Variants in STPG2 observed in about 807,000 individuals in gnomAD.
STPG2 encodes the protein sperm tail PG-rich repeat containing 2.
STPG2 carries 56 observed loss-of-function variants against 54.2 expected under a neutral mutation model. The ratio of observed to expected loss-of-function variants is 1.03; its 90% CI spans 0.83 to 1.29. The LOEUF is 1.29. Among genes scored for constraint, STPG2 ranks in the 50% most tolerant of loss-of-function variants. The pLI, the probability that STPG2 is intolerant of heterozygous loss-of-function variation, is 0.00. For missense variants in STPG2, 596 were observed against 544.9 expected, an observed-to-expected ratio of 1.09 and a Z score of -0.93; for synonymous variants, 200 against 181.8, an observed-to-expected ratio of 1.10 and a Z score of -0.81.
At chr4:97,794,358 G>C (rs998946678) in intron 9 of STPG2, among the ~76,000 whole-genome samples, 5 of 152,066 alleles carry the variant, frequency 3.3e-5, no homozygotes, top group African/African-American at 4.8e-5. Context: ...GATGTCTTAA[G>C]TTATAGAGAA....
intron 7 of STPG2, 116 bp from the exon 8 acceptor site, chr4:97,944,123 C>A: frequency 3.0e-6 from 2 of 658,390 alleles, no homozygotes; most frequent in East Asian, 2.9e-5. Context: ...TAAATAAAGA[C>A]ACATATTCAT....
chr4:98,077,513 G>T (rs1195821839), intron 5 of STPG2, among the ~76,000 whole-genome samples: 1 of 152,164 alleles, frequency 6.6e-6, no homozygotes, highest in East Asian at 1.9e-4. Context: ...TGGGATTACA[G>T]GCATGAGCCA....
At chr4:97,615,207 C>T (rs141501191) in intron 10 of STPG2, among the ~76,000 whole-genome samples, 294 of 152,136 alleles carry the variant, frequency 1.9e-3, no homozygotes, top group Middle Eastern at 0.014. Flanking sequence ...AAACTGATGA[C>T]TTATCTTTTT....
intron 5 of STPG2, among the ~76,000 whole-genome samples, chr4:98,091,485 C>T (rs974848464): frequency 2.6e-5 from 4 of 152,058 alleles, no homozygotes; most frequent in Non-Finnish European, 5.9e-5. Context: ...AACTCTAACA[C>T]ACTTTAGAAT....
At chr4:97,859,864 G>T (rs548785333) in intron 8 of STPG2, among the ~76,000 whole-genome samples, 1 of 152,320 alleles carries the variant, frequency 6.6e-6, no homozygotes, top group Admixed American at 6.5e-5. Flanking sequence ...TCAGGTCTCA[G>T]ATTTAAGTAT....
At chr4:97,451,653 T>C (rs1468132239) in intron 4 of STPG2, among the ~76,000 whole-genome samples, 1 of 152,086 alleles carries the variant, frequency 6.6e-6, no homozygotes, top group South Asian at 2.1e-4. Context: ...TTTGGAGGTA[T>C]CAGAATTAGT....
At chr4:97,922,334 G>C (rs534319991) in intron 8 of STPG2, among the ~76,000 whole-genome samples, 1 of 151,908 alleles carries the variant, frequency 6.6e-6, no homozygotes, top group Non-Finnish European at 1.5e-5. Context: ...AAAAAATAAT[G>C]TAACAGTTAA....
chr4:97,860,029 T>A (rs975844081), intron 8 of STPG2, among the ~76,000 whole-genome samples: 2 of 152,190 alleles, frequency 1.3e-5, no homozygotes, highest in Non-Finnish European at 2.9e-5. Flanking sequence ...CAAAGATCAG[T>A]TGCCTGAAAG....
At chr4:98,052,713 T>C (rs1187639738) in intron 5 of STPG2, among the ~76,000 whole-genome samples, 2 of 152,192 alleles carry the variant, frequency 1.3e-5, no homozygotes, top group African/African-American at 2.4e-5. Context: ...CTAGAAAGCA[T>C]TAAATAAAAT....
At chr4:97,871,702 C>T (rs1031032737) in intron 8 of STPG2, among the ~76,000 whole-genome samples, 4 of 150,956 alleles carry the variant, frequency 2.6e-5, no homozygotes, top group Non-Finnish European at 4.5e-5. Context: ...ATTCTAACTA[C>T]GAAGTTGTTA....
At chr4:97,921,669 T>C (rs906390836) in intron 8 of STPG2, among the ~76,000 whole-genome samples, 7 of 152,090 alleles carry the variant, frequency 4.6e-5, no homozygotes, top group Non-Finnish European at 1.0e-4. Context: ...ATATGCATTA[T>C]GCACTTCCCA....
chr4:98,116,310 AG>A (rs1185225772), intron 3 of STPG2, among the ~76,000 whole-genome samples: 2 of 151,922 alleles, frequency 1.3e-5, no homozygotes, highest in Non-Finnish European at 1.5e-5. Flanking sequence ...ATGAGTGATT[AG>A]GGAATTATTA....
intron 9 of STPG2, among the ~76,000 whole-genome samples, chr4:97,746,900 C>A (rs1271476057): frequency 2.0e-5 from 3 of 150,904 alleles, no homozygotes; most frequent in African/African-American, 7.3e-5. Flanking sequence ...GTATGTAGAA[C>A]AGTGCCTTTC....
intron 5 of STPG2, among the ~76,000 whole-genome samples, chr4:98,019,249 G>C (rs9992639): frequency 1.3e-4 from 19 of 151,124 alleles, no homozygotes; most frequent in Non-Finnish European, 2.2e-4. Flanking sequence ...CTAGCCAGGT[G>C]CCAGCACCAT....
chr4:97,738,694 G>A (rs1725110973), intron 9 of STPG2, among the ~76,000 whole-genome samples: 1 of 152,080 alleles, frequency 6.6e-6, no homozygotes, highest in East Asian at 1.9e-4. Context: ...CAATACAGGA[G>A]CACCCAGATT....
intron 9 of STPG2, among the ~76,000 whole-genome samples, chr4:97,826,902 A>G (rs1728276001): frequency 1.3e-5 from 2 of 152,236 alleles, no homozygotes; most frequent in Admixed American, 1.3e-4. Flanking sequence ...GTTTTTGACT[A>G]TGGTTGCCCT....
intron 9 of STPG2, among the ~76,000 whole-genome samples, chr4:97,765,284 T>C (rs1332177716): frequency 6.6e-6 from 1 of 152,164 alleles, no homozygotes; most frequent in African/African-American, 2.4e-5. Context: ...GAAACTCCAC[T>C]TTAAGTGATA....
intron 8 of STPG2, among the ~76,000 whole-genome samples, chr4:97,850,092 T>C (rs959955881): frequency 1.5e-4 from 22 of 151,016 alleles, no homozygotes; most frequent in Non-Finnish European, 2.2e-4. Context: ...TATGCAGCCA[T>C]AAAAAATGAT....
intron 5 of STPG2, among the ~76,000 whole-genome samples, chr4:98,072,613 T>TAAAATAAAACAAAAG (rs1553939187): frequency 7.4e-6 from 1 of 135,298 alleles, no homozygotes; most frequent in South Asian, 2.4e-4. Flanking sequence ...TAAAATAAAA[T>TAAAATAAAACAAAAG]AAAACAAAAC....
Sources: gnomAD v4.1 joint callset for allele counts (sites outside exome capture counted in the v4.1 genomes callset) on GRCh38, gnomAD v4.1.1 for gene constraint, MANE v1.5 for transcripts, NCBI Gene and HGNC (gene_info 2026-07-23, HGNC 2026-07-21) for gene names.